Variants in SRA1 observed in about 807,000 individuals in gnomAD.
SRA1 encodes the protein steroid receptor RNA activator 1.
In SRA1, 25 loss-of-function variants were observed where a neutral mutation model predicts 24.3. That is an observed-to-expected ratio of 1.03 (90% CI 0.75 to 1.43). The LOEUF is 1.43. SRA1 is among the 40% of genes most tolerant of loss of function. The pLI is 0.00. For missense variants in SRA1, 303 were observed against 286.6 expected, an observed-to-expected ratio of 1.06 and a Z score of -0.41; for synonymous variants, 104 against 109.5, an observed-to-expected ratio of 0.95 and a Z score of 0.31.
chr5:140,557,726 G>A (rs957011348), upstream of SRA1: 3 of 550,812 alleles, frequency 5.4e-6, no homozygotes, highest in Non-Finnish European at 9.6e-6. Flanking sequence ...CCTCTCAGGA[G>A]CAAATTCAAA....
chr5:140,557,541 G>A (rs1043646720), upstream of SRA1: 138 of 1,462,076 alleles, frequency 9.4e-5, no homozygotes, highest in Non-Finnish European at 1.2e-4. Flanking sequence ...GGGCCAGGCG[G>A]GTTGCCGGAA....
At chr5:140,552,511 G>T (rs1754594362) in intron 2 of SRA1, among the ~76,000 whole-genome samples, 1 of 151,958 alleles carries the variant, frequency 6.6e-6, no homozygotes. Flanking sequence ...AAATTAGCTG[G>T]GCATGGTGGC....
upstream of SRA1, chr5:140,558,056 C>A (rs1754777613): frequency 5.6e-6 from 1 of 178,310 alleles, no homozygotes; most frequent in Non-Finnish European, 1.2e-5. Context: ...GGGACCTTGA[C>A]TATTTTATTA....
rs531756436 is a variant in SRA1 at position 140,550,628 on chromosome 5, A to C, written c.*72T>G. Reference sequence around the variant, plus strand: ...CAGTGGGACAGTCTTGGTGGTGGTAAGAAGGGAGCCAAGTGACAGAAGGTC... The same window carrying C: ...CAGTGGGACAGTCTTGGTGGTGGTACGAAGGGAGCCAAGTGACAGAAGGTC... On this transcript the variant is annotated 3_prime_UTR_variant, in exon 5 of 5. Coordinates refer to ENST00000336283, the MANE Select transcript of SRA1 (RefSeq NM_001035235.4). 2 of 1,478,560 alleles carry C rather than the reference A, an allele frequency of 1.4e-6. No individual in the cohort carries two copies. The highest frequency in any genetic ancestry group is 2.3e-5 in the South Asian group (2 of 87,392). The allele number at this position is 1,478,560 out of a possible 1,614,324, so 91.6% of individuals were successfully genotyped here.
chr5:140,552,127 CTTGAAG>C lies in SRA1; in HGVS notation c.203_208del (p.Pro68_Ser70delinsArg). Reference sequence around the variant, plus strand: ...CACAGGTGGGGACCTGGGAGCCTTACTTGAAGGAGGTGGAGGCCCCATTGGGGGAGG... The same window carrying C: ...CACAGGTGGGGACCTGGGAGCCTTACGAGGTGGAGGCCCCATTGGGGGAGG... On this transcript the variant is annotated inframe_deletion, in exon 3 of 5. Coordinates refer to ENST00000336283, the MANE Select transcript of SRA1 (RefSeq NM_001035235.4). 6.2e-7 allele frequency: 1 copy of C among 1,612,424 alleles called. No homozygotes were observed. The highest frequency in any genetic ancestry group is 8.5e-7 in the Non-Finnish European group (1 of 1,179,262).
At position 140,550,401 on chromosome 5, in the gene SRA1, A is replaced by G; in HGVS notation, c.*299T>C. The G allele has an allele frequency of 2.3e-6, 1 of 438,434 alleles. No individual in the cohort carries two copies. The highest frequency in any genetic ancestry group is 2.6e-5 in the South Asian group (1 of 38,498). 27.2% of individuals were successfully genotyped at this position (438,434 alleles called of 1,614,324 possible). A position where few individuals can be genotyped will look rare whatever the true frequency, so the allele number is the denominator to read the frequency against. Reference sequence around the variant, plus strand: ...CAGCAGATCCCTTCCTGATGAATGGAGAAGGGAGAACAGAGGTTTGCAGAT... The same window carrying G: ...CAGCAGATCCCTTCCTGATGAATGGGGAAGGGAGAACAGAGGTTTGCAGAT... On this transcript the variant is annotated 3_prime_UTR_variant, in exon 5 of 5. Coordinates refer to ENST00000336283, the MANE Select transcript of SRA1 (RefSeq NM_001035235.4).
Position 140,550,812 on chromosome 5 carries a change from C to CT in SRA1, c.562dup (p.Arg188LysfsTer17). The CT allele has an allele frequency of 6.2e-7, 1 of 1,614,158 alleles. No homozygotes were observed. Among genetic ancestry groups the CT allele is most frequent in the Non-Finnish European group, 8.5e-7 (1 of 1,180,018 alleles). On this transcript the variant is annotated frameshift_variant, in exon 5 of 5. Coordinates refer to ENST00000336283, the MANE Select transcript of SRA1 (RefSeq NM_001035235.4). LOFTEE classifies it high-confidence loss of function. ...CAGACTCCTCTTTTCTGCAATTAAT[C>CT]TTTTAACTCCTACCATCCACTGACT...
intron 2 of SRA1, among the ~76,000 whole-genome samples, chr5:140,554,223 T>C (rs951561998): frequency 2.0e-5 from 3 of 152,238 alleles, no homozygotes; most frequent in Non-Finnish European, 4.4e-5. Context: ...ACTTTCCTGG[T>C]TAAACCCAAC....
At chr5:140,557,725 A>G, upstream of SRA1, 3 of 551,698 alleles carry the variant, frequency 5.4e-6, no homozygotes, top group Non-Finnish European at 9.5e-6. Context: ...TCCTCTCAGG[A>G]GCAAATTCAA....
intron 2 of SRA1, among the ~76,000 whole-genome samples, chr5:140,555,246 CT>C (rs1371613489): frequency 6.6e-6 from 1 of 151,446 alleles, no homozygotes; most frequent in Non-Finnish European, 1.5e-5. Flanking sequence ...CTCCTATTTT[CT>C]TTTTTTATTT....
rs35693173 is a variant in SRA1 at position 140,552,438 on chromosome 5, A to G, written c.152-254T>C. Among the ~76,000 whole-genome samples, 665 of 152,332 alleles carry G rather than the reference A, an allele frequency of 4.4e-3. 3 individuals are homozygous for G. The highest frequency in any genetic ancestry group is 0.015 in the African/African-American group (626 of 41,572). On this transcript the variant is annotated intron_variant, in intron 2 of 4. Transcript: ENST00000336283. Reference sequence around the variant, plus strand: ...GAGGCTGAGGCAGACAGATCACCTGAGGTCAGGAGTTCAAGACCAGCCTGG... The same window carrying G: ...GAGGCTGAGGCAGACAGATCACCTGGGGTCAGGAGTTCAAGACCAGCCTGG...
chr5:140,551,518 C>T (rs1048589686), intron 3 of SRA1: 3 of 239,050 alleles, frequency 1.3e-5, no homozygotes, highest in African/African-American at 6.7e-5. Context: ...CGTTACTTCA[C>T]AAAAAGAAAA....
chr5:140,557,336 G>T, intron 1 of SRA1, 64 bp from the exon 2 acceptor site: 1 of 1,604,606 alleles, frequency 6.2e-7, no homozygotes. Context: ...ACTGGGGCTG[G>T]GGGAGACAGA....
At chr5:140,551,007 T>C (rs138867547) in intron 4 of SRA1, 54 bp downstream of exon 4, 20,031 of 1,578,220 alleles carry the variant, frequency 0.013, 196 homozygotes, top group Middle Eastern at 0.021. Context: ...TGCTCCAGCA[T>C]AGCCAACCAC....
rs1023951147 is a variant in SRA1, at chr5:140,557,392, G to A, written c.25+36C>T. The A allele has an allele frequency of 6.3e-6, 10 of 1,597,950 alleles. No individual in the cohort carries two copies. The African/African-American group carries it at 8.0e-5, about 13-fold the overall frequency. ...AACCGCCCCCAGCCTAGGCCGGGGC[G>A]ACAACCTAGTGCCCTAGCCCGCCGG... On this transcript the variant is annotated intron_variant, in intron 1 of 4. Coordinates refer to ENST00000336283, the MANE Select transcript of SRA1 (RefSeq NM_001035235.4).
In SRA1 at chr5:140,557,415, C is replaced by T; in HGVS notation, c.25+13G>A. On this transcript the variant is annotated intron_variant, in intron 1 of 4. Transcript: ENST00000336283. ...GCGACAACCTAGTGCCCTAGCCCGC[C>T]GGCTGCGCTCACCCGGCTTCACGTA... The T allele has an allele frequency of 6.3e-7, 1 of 1,580,650 alleles. No individual in the cohort carries two copies.
Position 140,557,431 on chromosome 5 carries a change from G to C in SRA1, c.22C>G (p.Pro8Ala), listed in dbSNP as rs774711208. The C allele has an allele frequency of 3.2e-6, 5 of 1,570,548 alleles. No homozygotes were observed. The highest frequency in any genetic ancestry group is 2.3e-5 in the South Asian group (2 of 87,642). Residue 8 changes from proline to alanine, a missense_variant, in exon 1 of 5, where the codon CCG (proline) becomes GCG (alanine). Pro to Ala is a conservative substitution (Grantham distance 27). Coordinates refer to ENST00000336283, the MANE Select transcript of SRA1 (RefSeq NM_001035235.4). Reference sequence around the variant, plus strand: ...CTAGCCCGCCGGCTGCGCTCACCCGGCTTCACGTACAGCTCCGCCATCTCC... The same window carrying C: ...CTAGCCCGCCGGCTGCGCTCACCCGCCTTCACGTACAGCTCCGCCATCTCC... MAELYVKPGNKERGWNDP... is the reference protein window; with the variant it reads MAELYVKAGNKERGWNDP...
intron 2 of SRA1, 30 bp from the exon 3 acceptor site, chr5:140,552,214 T>A (rs763943521): frequency 4.8e-5 from 72 of 1,487,832 alleles, no homozygotes; most frequent in South Asian, 7.6e-5. Context: ...TCAAGCAACA[T>A]GGCTTAAATG....
In SRA1 at chr5:140,556,152, C is replaced by G. The variant is rs557989936; in HGVS notation, c.151+995G>C. On this transcript the variant is annotated intron_variant, in intron 2 of 4. Transcript: ENST00000336283. ...ACATAAGACACAGGAAAGTCCCTCA[C>G]AAAGAATTATCTGGCCACAACCTAT... Among the ~76,000 whole-genome samples, 3 of 152,358 alleles carry G rather than the reference C, an allele frequency of 2.0e-5. No homozygotes were observed. The East Asian group carries it at 5.8e-4, about 29-fold the overall frequency.
Sources: gnomAD v4.1 joint callset for allele counts (sites outside exome capture counted in the v4.1 genomes callset) on GRCh38, gnomAD v4.1.1 for gene constraint, MANE v1.5 for transcripts, NCBI Gene and HGNC (gene_info 2026-07-23, HGNC 2026-07-21) for gene names.